ADH7: variants seen among roughly 807,000 people sequenced by gnomAD.
ADH7 encodes all-trans-retinol dehydrogenase [NAD(+)] ADH7.
In ADH7, 41 loss-of-function variants were observed where a neutral mutation model predicts 34.4. The ratio of observed to expected loss-of-function variants is 1.19; its 90% confidence interval spans 0.93 to 1.55. ADH7 has a LOEUF of 1.55. Among genes scored for constraint, ADH7 ranks in the 40% most tolerant of loss-of-function variants. ADH7 has a pLI of 0.00. For missense variants in ADH7, 540 were observed against 461.2 expected (o/e 1.17, Z -1.56); for synonymous variants, 180 against 160.9 (o/e 1.12, Z -0.90).
chr4:99,422,011 C>T (rs187160763), intron 5 of ADH7, among the ~76,000 whole-genome samples: 137 of 152,050 alleles, frequency 9.0e-4, no homozygotes, highest in African/African-American at 3.1e-3. Context: ...AATCGATGCT[C>T]GTGATGCTAT....
intron 5 of ADH7, among the ~76,000 whole-genome samples, chr4:99,421,630 C>G (rs1208017174): frequency 6.6e-6 from 1 of 152,150 alleles, no homozygotes; most frequent in Non-Finnish European, 1.5e-5. Flanking sequence ...GCAATTGCAA[C>G]AAAAGCCAAA....
intron 6 of ADH7, among the ~76,000 whole-genome samples, chr4:99,420,284 C>T (rs1465287266): frequency 6.6e-6 from 1 of 152,172 alleles, no homozygotes; most frequent in Non-Finnish European, 1.5e-5. Flanking sequence ...GAAGGGTTGA[C>T]TACCTTGCCA....
chr4:99,425,943 C>T lies in ADH7; in HGVS notation c.564+1830G>A, dbSNP rs552194505. On this transcript the variant is annotated intron_variant, in intron 5 of 8. Transcript: ENST00000437033. ...CTCAACTACATGGAAACTGAACAACCTGCTCCTGAATGACTACTGGGTACA... is the reference window on the plus strand; with the variant it reads ...CTCAACTACATGGAAACTGAACAACTTGCTCCTGAATGACTACTGGGTACA... Among the ~76,000 whole-genome samples, 209 of 152,202 alleles carry T rather than the reference C, an allele frequency of 1.4e-3. 1 individual carries two copies. Among genetic ancestry groups the T allele is most frequent in the Middle Eastern group, 0.01 (3 of 294 alleles).
At chr4:99,425,999 C>A (rs1721796022) in intron 5 of ADH7, among the ~76,000 whole-genome samples, 1 of 152,166 alleles carries the variant, frequency 6.6e-6, no homozygotes, top group South Asian at 2.1e-4. Context: ...TAAAGATGTT[C>A]TTTGAAACCA....
chr4:99,423,938 C>A (rs1336485931), intron 5 of ADH7, among the ~76,000 whole-genome samples: 1 of 151,894 alleles, frequency 6.6e-6, no homozygotes, highest in Non-Finnish European at 1.5e-5. Context: ...GTGTTTTAGA[C>A]ATGAAGTCCT....
At chr4:99,432,260 A>G (rs75162587) in intron 1 of ADH7, among the ~76,000 whole-genome samples, 8,492 of 152,232 alleles carry the variant, frequency 0.056, 486 homozygotes, top group African/African-American at 0.14. Flanking sequence ...TGGAAGCTAA[A>G]TATTGAGTAC....
chr4:99,428,594 C>G lies in ADH7; in HGVS notation c.157G>C (p.Val53Leu), dbSNP rs1348833618. The change falls in exon 3 of 9, where the codon GTG becomes CTG. Residue 53 changes from valine (V) to leucine (L), a missense_variant. By Grantham distance (32) the Val-to-Leu change is conservative (BLOSUM62 1). Coordinates refer to ENST00000437033, the MANE Select transcript of ADH7 (RefSeq NM_000673.7). Reference protein sequence around the residue: ...ATGICRTDDHVIKGTMVSKFP... With the variant: ...ATGICRTDDHLIKGTMVSKFP... ...TTGGACACCATTGTTCCTTTTATCACATGGTCATCTGTGCGACAGATTCCT... is the reference window on the plus strand; with the variant it reads ...TTGGACACCATTGTTCCTTTTATCAGATGGTCATCTGTGCGACAGATTCCT... 1 of 1,613,838 alleles carries G rather than the reference C, an allele frequency of 6.2e-7. No individual in the cohort carries two copies. Among genetic ancestry groups the G allele is most frequent in the East Asian group, 2.2e-5 (1 of 44,858 alleles).
At chr4:99,414,068 G>A (rs994307505) in intron 8 of ADH7, among the ~76,000 whole-genome samples, 7 of 152,148 alleles carry the variant, frequency 4.6e-5, no homozygotes, top group African/African-American at 1.7e-4. Context: ...GCTTTAAGGT[G>A]ATATTTGAAG....
At chr4:99,416,665 G>A (rs1198102824) in intron 7 of ADH7, among the ~76,000 whole-genome samples, 1 of 152,004 alleles carries the variant, frequency 6.6e-6, no homozygotes, top group African/African-American at 2.4e-5. Context: ...TACTTCTAGG[G>A]TGACCTCCTC....
intron 5 of ADH7, among the ~76,000 whole-genome samples, chr4:99,424,135 A>T (rs972436229): frequency 3.9e-5 from 6 of 152,168 alleles, no homozygotes; most frequent in African/African-American, 1.4e-4. Flanking sequence ...TTAAATAGGG[A>T]ATCCCTTCCC....
intron 1 of ADH7, among the ~76,000 whole-genome samples, chr4:99,431,358 C>CT (rs1721935050): frequency 6.6e-6 from 1 of 152,096 alleles, no homozygotes; most frequent in Non-Finnish European, 1.5e-5. Context: ...ACCCAAAACT[C>CT]TAAAAACCCT....
chr4:99,428,176 T>C lies in ADH7; in HGVS notation c.260-2A>G, dbSNP rs369861819. 9.3e-6 allele frequency: 15 copies of C among 1,612,512 alleles called. No individual in the cohort carries two copies. In the African/African-American group the frequency reaches 2.0e-4, roughly 22 times the overall value. On this transcript the variant is annotated splice_acceptor_variant, in intron 3 of 8. Transcript: ENST00000437033. LOFTEE classifies it high-confidence loss of function. The stretch of plus-strand genomic sequence containing the variant: ...GAAAGAGAGGGATGACTTTGTCACC[T>C]ACAGGAAAAAAATCATGATATAAGA...
chr4:99,416,981 C>A (rs1721534441), intron 7 of ADH7, among the ~76,000 whole-genome samples: 1 of 152,118 alleles, frequency 6.6e-6, no homozygotes, highest in African/African-American at 2.4e-5. Flanking sequence ...CATACAATAA[C>A]TATTTCGGCA....
rs939437339 is a variant in ADH7, at chr4:99,420,894, A to G, written c.565-101T>C. 1.9e-5 allele frequency: 20 copies of G among 1,040,638 alleles called. No homozygotes were observed. The Admixed American group carries it at 2.4e-4, about 13-fold the overall frequency. The allele number at this position is 1,040,638 out of a possible 1,614,324, so 64.5% of individuals were successfully genotyped here. A position where few individuals can be genotyped will look rare whatever the true frequency, so the allele number is the denominator to read the frequency against. ...AAACACAAATCATGAGTGAACTCCC[A>G]TTCACAATTGCTACAAAGAGAATAA... On this transcript the variant is annotated intron_variant, in intron 5 of 8. Coordinates refer to ENST00000437033, the MANE Select transcript of ADH7 (RefSeq NM_000673.7).
At chr4:99,433,231 A>G (rs1443084313) in intron 1 of ADH7, among the ~76,000 whole-genome samples, 1 of 152,230 alleles carries the variant, frequency 6.6e-6, no homozygotes, top group Non-Finnish European at 1.5e-5. Context: ...GAAAATACAT[A>G]AACAATAATA....
chr4:99,420,474 T>C (rs1023722238), intron 6 of ADH7, 59 bp downstream of exon 6: 1 of 1,522,426 alleles, frequency 6.6e-7, no homozygotes, highest in Non-Finnish European at 9.0e-7. Flanking sequence ...CAATTAAATT[T>C]ACCTTGTGCA....
At chr4:99,419,680 C>A (rs1254850831) in intron 6 of ADH7, among the ~76,000 whole-genome samples, 2 of 152,094 alleles carry the variant, frequency 1.3e-5, no homozygotes, top group Non-Finnish European at 2.9e-5. Context: ...CAGCCTTCAT[C>A]AAGTAGCAAC....
intron 1 of ADH7, 72 bp downstream of exon 1, chr4:99,435,144 G>T: frequency 6.3e-7 from 1 of 1,576,258 alleles, no homozygotes; most frequent in South Asian, 1.2e-5. Flanking sequence ...TACTTTAATG[G>T]ATTCAAAGTT....
chr4:99,432,829 A>G (rs1721966870), intron 1 of ADH7: 1 of 152,172 alleles, frequency 6.6e-6, no homozygotes, highest in South Asian at 2.1e-4. Flanking sequence ...GTGCCTATCA[A>G]GTCTGTAATG....
Sources: gnomAD v4.1 joint callset for allele counts (sites outside exome capture counted in the v4.1 genomes callset) on GRCh38, gnomAD v4.1.1 for gene constraint, MANE v1.5 for transcripts, NCBI Gene and HGNC (gene_info 2026-07-23, HGNC 2026-07-21) for gene names.